The following DOCK10 variants were observed in gnomAD, a reference collection of about 807,000 sequenced individuals.
The protein encoded by DOCK10 is dedicator of cytokinesis protein 10.
A neutral mutation model predicts 280.1 loss-of-function variants in DOCK10; 145 were observed. The ratio of observed to expected loss-of-function variants is 0.52; its 90% CI spans 0.45 to 0.59. The LOEUF is 0.59. Ranked by LOEUF, DOCK10 falls within the 20% of genes least tolerant of loss-of-function variation. The probability of loss-of-function intolerance (pLI) is 0.00; values close to 1 mark genes in which losing one functional copy is unlikely to be tolerated. For synonymous variants in DOCK10, 915 were observed against 942.2 expected (o/e 0.97, Z 0.53); for missense variants, 2,368 against 2,651.7 (o/e 0.89, Z 2.35).
intron 1 of DOCK10, among the ~76,000 whole-genome samples, chr2:225,022,466 C>A (rs1424532817): frequency 6.6e-6 from 1 of 152,176 alleles, no homozygotes; most frequent in Non-Finnish European, 1.5e-5. Flanking sequence ...AAACCTTACC[C>A]GTAGCAACTC....
intron 1 of DOCK10, among the ~76,000 whole-genome samples, chr2:225,028,331 G>T (rs902988043): frequency 6.6e-6 from 1 of 152,144 alleles, no homozygotes; most frequent in Admixed American, 6.5e-5. Context: ...GCCTCTAGAA[G>T]CTGGCAATAG....
In DOCK10 at chr2:224,765,829, G is replaced by GCC. The variant is rs768506202; in HGVS notation, c.6451_6452dup (p.Arg2152AlafsTer17). 1.4e-5 allele frequency: 23 copies of GCC among 1,613,274 alleles called. No homozygotes were observed. Among genetic ancestry groups the GCC allele is most frequent in the Non-Finnish European group, 1.9e-5 (22 of 1,179,534 alleles). On this transcript the variant is annotated frameshift_variant, in exon 56 of 56. Coordinates refer to ENST00000258390, the MANE Select transcript of DOCK10 (RefSeq NM_014689.3). LOFTEE classifies it low-confidence loss of function (END_TRUNC). Reference sequence around the variant, plus strand: ...CTCCGCGCTTTGACAGGTCGTCCCTGCCCGTAATCTTAAAACAGGGAAAAA... The same window carrying GCC: ...CTCCGCGCTTTGACAGGTCGTCCCTGCCCCCGTAATCTTAAAACAGGGAAAAA...
chr2:224,859,128 A>G (rs1697339908), intron 14 of DOCK10, among the ~76,000 whole-genome samples: 1 of 152,226 alleles, frequency 6.6e-6, no homozygotes, highest in South Asian at 2.1e-4. Flanking sequence ...CCCTGGAAAG[A>G]GTCAAACAGA....
chr2:225,035,213 A>C (rs1421921249), intron 1 of DOCK10, among the ~76,000 whole-genome samples: 2 of 152,148 alleles, frequency 1.3e-5, no homozygotes, highest in East Asian at 1.9e-4. Context: ...AACTGTTACA[A>C]GTGCATAATG....
At chr2:224,778,349 A>G (rs773294244) in intron 50 of DOCK10, 65 bp from the exon 51 acceptor site, 59 of 1,477,658 alleles carry the variant, frequency 4.0e-5, no homozygotes, top group Non-Finnish European at 5.2e-5. Context: ...AAGCAAAACA[A>G]AAAGCCATTT....
chr2:224,777,000 T>A (rs1162170941), intron 51 of DOCK10, among the ~76,000 whole-genome samples: 4 of 152,204 alleles, frequency 2.6e-5, no homozygotes, highest in Non-Finnish European at 1.5e-5. Flanking sequence ...GTCCTTCTCT[T>A]CTTAGCCCCA....
intron 31 of DOCK10, among the ~76,000 whole-genome samples, chr2:224,810,057 C>G (rs550274559): frequency 4.0e-5 from 6 of 149,866 alleles, no homozygotes; most frequent in African/African-American, 1.5e-4. Context: ...AGTCATTATG[C>G]TAAGTGAAAT....
intron 4 of DOCK10, among the ~76,000 whole-genome samples, chr2:224,894,910 T>C (rs946529385): frequency 1.3e-5 from 2 of 152,136 alleles, no homozygotes; most frequent in African/African-American, 4.8e-5. Flanking sequence ...CTGGTTGAAA[T>C]TTCCAAAGGC....
chr2:224,859,952 T>C (rs1317627799), intron 14 of DOCK10, among the ~76,000 whole-genome samples: 1 of 152,362 alleles, frequency 6.6e-6, no homozygotes, highest in Admixed American at 6.5e-5. Context: ...GTAATCCAAG[T>C]GGTCTGACAT....
intron 27 of DOCK10, among the ~76,000 whole-genome samples, chr2:224,824,681 G>C (rs1694729311): frequency 6.6e-6 from 1 of 151,792 alleles, no homozygotes; most frequent in African/African-American, 2.4e-5. Context: ...TGATCTGCTT[G>C]CCTTGGCCTC....
At position 224,805,287 on chromosome 2, in the gene DOCK10, G is replaced by C. The variant is rs1422614932; in HGVS notation, c.3970C>G (p.Leu1324Val). Reference protein sequence around the residue: ...PRPLSLIGSTLRFDKLDQAET... With the variant: ...PRPLSLIGSTVRFDKLDQAET... ...GCTTGATCTAACTTGTCAAATCGAA[G>C]AGTTGAGCCAATCAAAGACAAGGGT... The change falls in exon 36 of 56, where the codon CTT becomes GTT. Residue 1324 changes from leucine (L) to valine (V), a missense_variant. Physicochemically the swap from Leu to Val is conservative, Grantham distance 32 (BLOSUM62 1). Around this residue, in one of 2 missense-constraint regions of DOCK10, gnomAD observed 1,159 missense variants for 1,400.8 expected, o/e 0.83. Coordinates refer to ENST00000258390, the MANE Select transcript of DOCK10 (RefSeq NM_014689.3). This position sits in a 1 kb window ranked among gnomAD's most constrained non-coding sequence, Gnocchi z 4.3. 2 of 1,613,106 alleles carry C rather than the reference G, an allele frequency of 1.2e-6. No individual in the cohort carries two copies.
At chr2:224,828,573 G>A (rs1446408068) in intron 27 of DOCK10, among the ~76,000 whole-genome samples, 1 of 152,170 alleles carries the variant, frequency 6.6e-6, no homozygotes, top group Non-Finnish European at 1.5e-5. Context: ...CTAAGAAGGT[G>A]CTGGGGACCA....
chr2:225,016,908 G>C (rs1689622828), intron 1 of DOCK10, among the ~76,000 whole-genome samples: 1 of 151,438 alleles, frequency 6.6e-6, no homozygotes, highest in African/African-American at 2.4e-5. Flanking sequence ...TTTTTAGTAG[G>C]TACGGGGTTT....
intron 1 of DOCK10, among the ~76,000 whole-genome samples, chr2:224,963,300 A>G (rs1397953393): frequency 6.6e-6 from 1 of 152,236 alleles, no homozygotes; most frequent in Non-Finnish European, 1.5e-5. Flanking sequence ...CCTCTACATT[A>G]GACAATAATC....
intron 1 of DOCK10, among the ~76,000 whole-genome samples, chr2:225,000,601 G>A (rs1224076084): frequency 6.6e-6 from 1 of 152,154 alleles, no homozygotes; most frequent in South Asian, 2.1e-4. Context: ...GGGAAAAAGG[G>A]ATTGACAGTA....
intron 50 of DOCK10, among the ~76,000 whole-genome samples, chr2:224,782,458 A>T (rs1299379183): frequency 1.3e-5 from 2 of 152,208 alleles, no homozygotes; most frequent in African/African-American, 4.8e-5. Context: ...ATTATAGTCG[A>T]TGTTTGCTCA....
At position 224,770,629 on chromosome 2, in the gene DOCK10, A is replaced by G. The variant is rs756461033; in HGVS notation, c.6221T>C (p.Met2074Thr). The change falls in exon 54 of 56, where the codon ATG becomes ACG. Residue 2074 changes from methionine (M) to threonine (T), a missense_variant. Met to Thr is a moderately conservative substitution (Grantham distance 81). Around this residue, in one of 2 missense-constraint regions of DOCK10, gnomAD observed 1,159 missense variants for 1,400.8 expected, o/e 0.83. Coordinates refer to ENST00000258390, the MANE Select transcript of DOCK10 (RefSeq NM_014689.3). The surrounding 1 kb of genome is among the most constrained non-coding windows in gnomAD (Gnocchi z 4.5). Reference sequence around the variant, plus strand: ...TTCAAGAAAAGCTCGTGCATAGGCCATTGGCCCAGCATTAACCTGTTGAGA... The same window carrying G: ...TTCAAGAAAAGCTCGTGCATAGGCCGTTGGCCCAGCATTAACCTGTTGAGA... ...SVSVKVNAGP[M>T]AYARAFLEET... The G allele has an allele frequency of 1.9e-6, 3 of 1,613,730 alleles. No individual in the cohort carries two copies. The highest frequency in any genetic ancestry group is 2.5e-6 in the Non-Finnish European group (3 of 1,179,622).
In DOCK10 at chr2:224,765,844, A is replaced by G. The variant is rs764857301; in HGVS notation, c.6445-7T>C. On this transcript the variant is annotated splice_region_variant and splice_polypyrimidine_tract_variant and intron_variant, in intron 55 of 55. Transcript: ENST00000258390. The stretch of plus-strand genomic sequence containing the variant: ...GGTCGTCCCTGCCCGTAATCTTAAA[A>G]CAGGGAAAAACACAACACAACAGAA... 6.2e-7 allele frequency: 1 copy of G among 1,606,012 alleles called. No homozygotes were observed. Among genetic ancestry groups the G allele is most frequent in the Non-Finnish European group, 8.5e-7 (1 of 1,173,398 alleles).
At chr2:224,901,121 T>G (rs1179062895) in intron 3 of DOCK10, among the ~76,000 whole-genome samples, 2 of 152,148 alleles carry the variant, frequency 1.3e-5, no homozygotes, top group Non-Finnish European at 2.9e-5. Flanking sequence ...GCATAGAAAA[T>G]TATTCTCTAT....
Sources: allele counts gnomAD v4.1 joint callset (sites outside exome capture counted in the v4.1 genomes callset), GRCh38; gene constraint gnomAD v4.1.1; regional missense constraint gnomAD v4.1.1; non-coding constraint Gnocchi (gnomAD v3.1); transcripts MANE v1.5; gene names NCBI Gene and HGNC (gene_info 2026-07-23, HGNC 2026-07-21).